The following PTPN3 variants were observed in gnomAD, a reference collection of about 807,000 sequenced individuals.
PTPN3 encodes the protein tyrosine-protein phosphatase non-receptor type 3.
Under a neutral mutation model 132.7 loss-of-function variants are expected in PTPN3, and 96 were observed. The ratio of observed to expected loss-of-function variants is 0.72; its 90% CI spans 0.61 to 0.86. The LOEUF is 0.86. Among genes scored for constraint, PTPN3 ranks in the 40% least tolerant of loss-of-function variants. The pLI, the probability that PTPN3 is intolerant of heterozygous loss-of-function variation, is 0.00. For missense variants in PTPN3, 1,125 were observed against 1,159.6 expected (o/e 0.97, Z 0.43); for synonymous variants, 398 against 429.0 (o/e 0.93, Z 0.89).
chr9:109,521,607 A>T, the PTPN3 span, among the ~76,000 whole-genome samples: 1 of 152,164 alleles, frequency 6.6e-6, no homozygotes. Flanking sequence ...GCCTTCTCTG[A>T]TTCCCACTTG....
intron 1 of PTPN3, among the ~76,000 whole-genome samples, chr9:109,489,880 CAACTA>C (rs936780443): frequency 3.3e-5 from 5 of 152,088 alleles, no homozygotes; most frequent in African/African-American, 1.2e-4. Context: ...AGTATGACTG[CAACTA>C]AATAACAACA....
rs55991908 is a variant in PTPN3 at position 109,406,447 on chromosome 9, C to T, written c.1792+15G>A. 58,764 of 1,611,164 alleles carry T rather than the reference C, an allele frequency of 0.036. 1,273 individuals carry two copies. The highest frequency in any genetic ancestry group is 0.044 in the Non-Finnish European group (51,366 of 1,177,688). On this transcript the variant is annotated intron_variant, in intron 18 of 25. Coordinates refer to ENST00000374541, the MANE Select transcript of PTPN3 (RefSeq NM_002829.4). ...GACAGCTTCCCTATGGCTCCTCCCCCCAGGTGGCCATTACCTCTCCTCCTG... is the reference window on the plus strand; with the variant it reads ...GACAGCTTCCCTATGGCTCCTCCCCTCAGGTGGCCATTACCTCTCCTCCTG...
chr9:109,428,465 A>G (rs1354513120), intron 11 of PTPN3, among the ~76,000 whole-genome samples, 156 bp downstream of exon 11: 1 of 152,166 alleles, frequency 6.6e-6, no homozygotes, highest in Non-Finnish European at 1.5e-5. Context: ...AACACAAGAA[A>G]TGGGGCAAAG....
At chr9:109,538,117 G>A in the PTPN3 span, among the ~76,000 whole-genome samples, 120,172 of 152,132 alleles carry the variant, frequency 0.79, 47,529 homozygotes, top group East Asian at 0.9. Context: ...TACAGTTTTA[G>A]TATGCTTCTG....
intron 1 of PTPN3, among the ~76,000 whole-genome samples, chr9:109,472,450 T>A (rs1294027432): frequency 6.6e-6 from 1 of 152,252 alleles, no homozygotes; most frequent in Admixed American, 6.5e-5. Context: ...GTTTTCACCA[T>A]CATTTTTATT....
rs190123584 is a variant in PTPN3 at position 109,421,798 on chromosome 9, C to T, written c.1136+920G>A. On this transcript the variant is annotated intron_variant, in intron 13 of 25. Coordinates refer to ENST00000374541, the MANE Select transcript of PTPN3 (RefSeq NM_002829.4). ...AGTGAAGGGGTCCTTCCCTAGCAGG[C>T]CCAGCACAGCATCTCCTCTGTCTGC... Among the ~76,000 whole-genome samples, 35 of 152,314 alleles carry T rather than the reference C, an allele frequency of 2.3e-4. No individual in the cohort carries two copies. In the East Asian group the frequency reaches 6.4e-3, roughly 28 times the overall value.
chr9:109,407,439 C>G (rs567557394), intron 17 of PTPN3, among the ~76,000 whole-genome samples: 1 of 152,278 alleles, frequency 6.6e-6, no homozygotes, highest in Non-Finnish European at 1.5e-5. Flanking sequence ...ATTTGTTTGA[C>G]TGCAGTACTA....
chr9:109,442,419 A>T (rs902323278), intron 7 of PTPN3, among the ~76,000 whole-genome samples: 7 of 152,222 alleles, frequency 4.6e-5, no homozygotes, highest in African/African-American at 1.7e-4. Context: ...ATAAAAGCTT[A>T]TACTTAAAAC....
the PTPN3 span, among the ~76,000 whole-genome samples, chr9:109,532,640 T>TAA: frequency 6.6e-6 from 1 of 151,876 alleles, no homozygotes; most frequent in Non-Finnish European, 1.5e-5. Flanking sequence ...GAGGCGTCTT[T>TAA]AGGTGAAAAT....
chr9:109,439,730 G>A (rs1433607855), intron 7 of PTPN3, among the ~76,000 whole-genome samples: 2 of 152,120 alleles, frequency 1.3e-5, no homozygotes, highest in African/African-American at 4.8e-5. Context: ...CCAACATGGT[G>A]AAACCCCATC....
chr9:109,418,026 C>A (rs1009483041), intron 14 of PTPN3, among the ~76,000 whole-genome samples: 6 of 152,094 alleles, frequency 3.9e-5, no homozygotes, highest in Admixed American at 2.0e-4. Context: ...TGTAAATAGT[C>A]CTATGGAGCT....
At chr9:109,393,445 G>C (rs963007151) in intron 19 of PTPN3, among the ~76,000 whole-genome samples, 12 of 148,930 alleles carry the variant, frequency 8.1e-5, no homozygotes, top group Non-Finnish European at 4.4e-5. Context: ...GAGTGAAGTG[G>C]TGCGATCTCG....
chr9:109,497,853 G>A (rs2132136377), intron 1 of PTPN3, among the ~76,000 whole-genome samples: 1 of 151,698 alleles, frequency 6.6e-6, no homozygotes, highest in South Asian at 2.1e-4. Context: ...CCGGGGTCGC[G>A]GCGGCACGGG....
chr9:109,488,737 C>T (rs1847327250), intron 1 of PTPN3, among the ~76,000 whole-genome samples: 1 of 152,148 alleles, frequency 6.6e-6, no homozygotes, highest in African/African-American at 2.4e-5. Context: ...AGAGCCTGAC[C>T]CCTTGACCGA....
intron 1 of PTPN3, among the ~76,000 whole-genome samples, chr9:109,478,175 GGA>G (rs1846779706): frequency 6.6e-6 from 1 of 152,206 alleles, no homozygotes; most frequent in Non-Finnish European, 1.5e-5. Flanking sequence ...TGGAGGGGAA[GGA>G]GAGGGCGGCT....
At chr9:109,531,241 T>C in the PTPN3 span, among the ~76,000 whole-genome samples, 1 of 152,196 alleles carries the variant, frequency 6.6e-6, no homozygotes. Context: ...TAGTTATATC[T>C]CAATAATATC....
At chr9:109,490,053 G>A (rs981979756) in intron 1 of PTPN3, among the ~76,000 whole-genome samples, 5 of 151,760 alleles carry the variant, frequency 3.3e-5, no homozygotes, top group African/African-American at 1.2e-4. Context: ...CGTGGTCGTG[G>A]ACACCTGTAA....
chr9:109,529,563 C>T, the PTPN3 span, among the ~76,000 whole-genome samples: 5 of 152,238 alleles, frequency 3.3e-5, no homozygotes, highest in African/African-American at 9.6e-5. Flanking sequence ...TGTTCTCTAT[C>T]ACTCAGAAAC....
chr9:109,504,368 C>G, the PTPN3 span, among the ~76,000 whole-genome samples: 7 of 152,186 alleles, frequency 4.6e-5, no homozygotes, highest in Non-Finnish European at 8.8e-5. Context: ...AACCTCATGG[C>G]TGCCAGATGT....
Sources: allele counts gnomAD v4.1 joint callset (sites outside exome capture counted in the v4.1 genomes callset), GRCh38; gene constraint gnomAD v4.1.1; transcripts MANE v1.5; gene names NCBI Gene and HGNC (gene_info 2026-07-23, HGNC 2026-07-21).